The following POMT1 variants were observed in gnomAD, a reference collection of about 807,000 sequenced individuals.
The protein encoded by POMT1 is protein O-mannosyltransferase 1.
POMT1 carries 85 observed loss-of-function variants against 101.6 expected under a neutral mutation model. That is an observed-to-expected ratio of 0.84 (90% confidence interval 0.70 to 1.00). The LOEUF is 1.00. Among genes scored for constraint, POMT1 ranks in the 50% least tolerant of loss-of-function variants. The probability of loss-of-function intolerance (pLI) is 0.00; values close to 1 mark genes in which losing one functional copy is unlikely to be tolerated. For synonymous variants in POMT1, 371 were observed against 383.0 expected (o/e 0.97, Z 0.37); for missense variants, 857 against 930.4 (o/e 0.92, Z 1.03).
chr9:131,520,672 T>C (rs772027093), intron 17 of POMT1, among the ~76,000 whole-genome samples: 6 of 152,224 alleles, frequency 3.9e-5, no homozygotes, highest in Non-Finnish European at 7.4e-5. Flanking sequence ...CGGCTCAGCA[T>C]GTGCACTGAA....
chr9:131,510,634 G>C, intron 9 of POMT1: 1 of 632,262 alleles, frequency 1.6e-6, no homozygotes, highest in South Asian at 1.8e-5. Flanking sequence ...CTCCCAAGTA[G>C]CTGGTATTAC....
intron 17 of POMT1, among the ~76,000 whole-genome samples, chr9:131,520,716 C>T (rs567254229): frequency 5.9e-5 from 9 of 152,246 alleles, no homozygotes; most frequent in Non-Finnish European, 7.3e-5. Flanking sequence ...CGCCCCACCC[C>T]GAGCTCTGAG....
At position 131,507,112 on chromosome 9, in the gene POMT1, G is replaced by A. The variant is rs74310992; in HGVS notation, c.281-256G>A. Among the ~76,000 whole-genome samples the A allele has an allele frequency of 1.9e-4, 29 of 152,040 alleles. No homozygotes were observed. In the East Asian group the frequency reaches 5.2e-3, roughly 27 times the overall value. ...AAAAGAAAACAGGGAGGGTAAATAT[G>A]TATAAGTAAGGCGGTAAATTTTAGA... On this transcript the variant is annotated intron_variant, in intron 4 of 19. Transcript: ENST00000402686.
chr9:131,507,000 G>A (rs1241514788), intron 4 of POMT1, among the ~76,000 whole-genome samples: 1 of 151,876 alleles, frequency 6.6e-6, no homozygotes, highest in African/African-American at 2.4e-5. Context: ...CCGGGAGGCG[G>A]AGCTTGCAGT....
chr9:131,518,035 C>CT (rs1390606977), intron 13 of POMT1, among the ~76,000 whole-genome samples: 1 of 152,266 alleles, frequency 6.6e-6, no homozygotes, highest in Non-Finnish European at 1.5e-5. Context: ...GAGGAAATCT[C>CT]TAAGCTGTGT....
chr9:131,506,859 G>A, intron 4 of POMT1: 2 of 289,178 alleles, frequency 6.9e-6, no homozygotes, highest in South Asian at 6.7e-5. Context: ...ATGAGGTCAG[G>A]AGATCGAGAC....
In POMT1 at chr9:131,506,427, A is replaced by AT. The variant is rs1945826884; in HGVS notation, c.260dup (p.Leu87PhefsTer11). The AT allele has an allele frequency of 1.2e-6, 2 of 1,613,106 alleles. No individual in the cohort carries two copies. The highest frequency in any genetic ancestry group is 1.1e-5 in the South Asian group (1 of 91,052). On this transcript the variant is annotated frameshift_variant, in exon 4 of 20. Coordinates refer to ENST00000402686, the MANE Select transcript of POMT1 (RefSeq NM_001077365.2). LOFTEE classifies it high-confidence loss of function. The stretch of plus-strand genomic sequence containing the variant: ...GGTTATTTAGGAGGATTCGATGGCA[A>AT]TTTTTTGTGGAACAGAATTGGAGCA...
chr9:131,522,032 A>T lies in POMT1; in HGVS notation c.1826-15A>T. On this transcript the variant is annotated splice_polypyrimidine_tract_variant and intron_variant, in intron 18 of 19. Coordinates refer to ENST00000402686, the MANE Select transcript of POMT1 (RefSeq NM_001077365.2). This position sits in a 1 kb window ranked among gnomAD's most constrained non-coding sequence, Gnocchi z 5.5. Reference sequence around the variant, plus strand: ...GGAGCAGCAGAGTCGGTGTAGCTCGAGCCCTTTCCTATAGATGCCTGGCTG... The same window carrying T: ...GGAGCAGCAGAGTCGGTGTAGCTCGTGCCCTTTCCTATAGATGCCTGGCTG... The T allele has an allele frequency of 6.2e-7, 1 of 1,613,390 alleles. No individual in the cohort carries two copies. The highest frequency in any genetic ancestry group is 8.5e-7 in the Non-Finnish European group (1 of 1,179,806).
In POMT1 at chr9:131,522,923, C is replaced by T. The variant is rs886063538; in HGVS notation, c.2004-9C>T. On this transcript the variant is annotated splice_polypyrimidine_tract_variant and intron_variant, in intron 19 of 19. Coordinates refer to ENST00000402686, the MANE Select transcript of POMT1 (RefSeq NM_001077365.2). This position sits in a 1 kb window ranked among gnomAD's most constrained non-coding sequence, Gnocchi z 5.5. ...GCCACCCTCCCCCACGCTGCTCTGA[C>T]CTCTGCAGGTCCCAGCTCCAGAGGA... 1 of 1,580,478 alleles carries T rather than the reference C, an allele frequency of 6.3e-7. No individual in the cohort carries two copies. The highest frequency in any genetic ancestry group is 8.6e-7 in the Non-Finnish European group (1 of 1,166,388).
At chr9:131,515,345 C>G in intron 12 of POMT1, 81 bp from the exon 13 acceptor site, 1 of 1,447,806 alleles carries the variant, frequency 6.9e-7, no homozygotes, top group Non-Finnish European at 9.7e-7. Flanking sequence ...GAAAAGCAAC[C>G]TTTTCCTGCC....
In POMT1 at chr9:131,519,149, G is replaced by A. The variant is rs1012930998; in HGVS notation, c.1486+192G>A. On this transcript the variant is annotated intron_variant, in intron 15 of 19. Transcript: ENST00000402686. This position sits in a 1 kb window ranked among gnomAD's most constrained non-coding sequence, Gnocchi z 4.3. ...AATAACTCAAGACGCTTCTTCCGAG[G>A]TGTCGCTGGAAGGCAACCAGTTTAT... is the stretch of plus-strand genomic sequence containing the variant. 1.3e-5 allele frequency among the ~76,000 whole-genome samples: 2 copies of A among 152,186 alleles called. No homozygotes were observed. The highest frequency in any genetic ancestry group is 2.9e-5 in the Non-Finnish European group (2 of 68,040).
chr9:131,518,705 T>C, intron 14 of POMT1, 132 bp from the exon 15 acceptor site: 2 of 1,500,158 alleles, frequency 1.3e-6, no homozygotes, highest in Non-Finnish European at 1.8e-6. Flanking sequence ...CAGGATGGAA[T>C]CCCAATGTGA....
chr9:131,512,663 G>A (rs1321108082), intron 11 of POMT1, among the ~76,000 whole-genome samples: 1 of 152,096 alleles, frequency 6.6e-6, no homozygotes, highest in Non-Finnish European at 1.5e-5. Flanking sequence ...CCAGGCTGGA[G>A]TGCAGTGGTA....
chr9:131,518,670 AGGGAGGGCG>A, intron 14 of POMT1, 133 bp downstream of exon 14: 1 of 1,400,718 alleles, frequency 7.1e-7, no homozygotes, highest in African/African-American at 1.4e-5. Context: ...TCTTACACTG[AGGGAGGGCG>A]GCTTTTGTAA....
intron 12 of POMT1, among the ~76,000 whole-genome samples, chr9:131,514,263 G>A (rs1163088032): frequency 1.3e-5 from 2 of 152,146 alleles, no homozygotes; most frequent in Non-Finnish European, 2.9e-5. Context: ...TGTGCTCAGT[G>A]ACTCCCGTCA....
In POMT1 at chr9:131,519,606, C is replaced by A; in HGVS notation, c.1584+120C>A. Reference sequence around the variant, plus strand: ...GGCTTTGACGCTGGAGCTACAGGCTCACAACAGAATGAGTGTCTCCTCTCT... The same window carrying A: ...GGCTTTGACGCTGGAGCTACAGGCTAACAACAGAATGAGTGTCTCCTCTCT... On this transcript the variant is annotated intron_variant, in intron 16 of 19. Transcript: ENST00000402686. This position sits in a 1 kb window ranked among gnomAD's most constrained non-coding sequence, Gnocchi z 4.3. 1 of 966,104 alleles carries A rather than the reference C, an allele frequency of 1.0e-6. No individual in the cohort carries two copies. The highest frequency in any genetic ancestry group is 1.6e-6 in the Non-Finnish European group (1 of 629,306). 59.8% of individuals were successfully genotyped at this position (966,104 alleles called of 1,614,324 possible).
At chr9:131,511,966 C>G in intron 10 of POMT1, 75 bp from the exon 11 acceptor site, 1 of 1,531,610 alleles carries the variant, frequency 6.5e-7, no homozygotes, top group Non-Finnish European at 9.0e-7. Context: ...CTACCTCAGC[C>G]TCCCAAAGTG....
At position 131,509,955 on chromosome 9, in the gene POMT1, G is replaced by T; in HGVS notation, c.658G>T (p.Val220Phe). ...CGTGCTCGTGCTGGGTGTTGCAGCT[G>T]TCCATGCCTGGCACCTGCTTGGAGA... is the stretch of plus-strand genomic sequence containing the variant. ...TYVLVLGVAA[V>F]HAWHLLGDQT... Residue 220 changes from valine (V) to phenylalanine (F), a missense_variant, in exon 8 of 20, where the codon GTC (valine) becomes TTC (phenylalanine). Physicochemically the swap from Val to Phe is conservative, Grantham distance 50. Coordinates refer to ENST00000402686, the MANE Select transcript of POMT1 (RefSeq NM_001077365.2). 1 of 1,614,220 alleles carries T rather than the reference G, an allele frequency of 6.2e-7. No individual in the cohort carries two copies. The highest frequency in any genetic ancestry group is 8.5e-7 in the Non-Finnish European group (1 of 1,180,038).
intron 13 of POMT1, among the ~76,000 whole-genome samples, chr9:131,516,168 A>T (rs1948510471): frequency 8.3e-6 from 1 of 120,126 alleles, no homozygotes; most frequent in South Asian, 3.3e-4. Context: ...TCTCACACTC[A>T]CACGGAGCAC....
Sources: gnomAD v4.1 joint callset for allele counts (sites outside exome capture counted in the v4.1 genomes callset) on GRCh38, gnomAD v4.1.1 for gene constraint, Gnocchi (gnomAD v3.1) non-coding constraint, MANE v1.5 for transcripts, NCBI Gene and HGNC (gene_info 2026-07-23, HGNC 2026-07-21) for gene names.